The following LINGO1 variants were observed in gnomAD, a reference collection of about 807,000 sequenced individuals.
The protein encoded by LINGO1 is leucine rich repeat and Ig domain containing 1.
A neutral mutation model predicts 37.3 loss-of-function variants in LINGO1; 11 were observed. The observed-to-expected ratio is 0.29, with a 90% CI of 0.19 to 0.49. The LOEUF (loss-of-function observed/expected upper bound fraction) is 0.49, where lower values mean the gene tolerates loss of function less well. LINGO1 is among the 20% of genes least tolerant of loss of function. The probability of loss-of-function intolerance (pLI) is 0.99; values close to 1 mark genes in which losing one functional copy is unlikely to be tolerated. For missense variants in LINGO1, 585 were observed against 878.2 expected (o/e 0.67, Z 4.22); for synonymous variants, 387 against 403.0 (o/e 0.96, Z 0.48).
chr15:77,617,387 C>T (rs927431906), intron 1 of LINGO1, among the ~76,000 whole-genome samples: 7 of 152,166 alleles, frequency 4.6e-5, no homozygotes, highest in African/African-American at 1.7e-4. Context: ...GATCAGATGG[C>T]CTCTGGGAGC....
intron 2 of LINGO1, among the ~76,000 whole-genome samples, chr15:77,685,865 G>A (rs1274187626): frequency 1.3e-5 from 2 of 152,050 alleles, no homozygotes; most frequent in Non-Finnish European, 1.5e-5. Context: ...AAATAAATAA[G>A]TAAAAGTGTA....
intron 2 of LINGO1, among the ~76,000 whole-genome samples, chr15:77,721,617 G>A (rs911976807): frequency 6.6e-6 from 1 of 152,132 alleles, no homozygotes; most frequent in African/African-American, 2.4e-5. Flanking sequence ...GTTTACTATT[G>A]TATCCCCAGT....
intron 3 of LINGO1, among the ~76,000 whole-genome samples, chr15:77,639,415 G>T (rs2074455558): frequency 6.6e-6 from 1 of 151,976 alleles, no homozygotes; most frequent in African/African-American, 2.4e-5. Context: ...GCTCTCAAGG[G>T]GGGCAAGGAA....
At chr15:77,620,022 C>G (rs2073869838) in intron 1 of LINGO1, among the ~76,000 whole-genome samples, 1 of 152,202 alleles carries the variant, frequency 6.6e-6, no homozygotes. Context: ...CTCCCACCCC[C>G]ATGGGGTCCC....
chr15:77,652,584 G>T (rs191383894), intron 3 of LINGO1, among the ~76,000 whole-genome samples: 1 of 150,618 alleles, frequency 6.6e-6, no homozygotes, highest in East Asian at 2.0e-4. Context: ...TCCAGGTGAC[G>T]TCTGTCACTC....
rs112112009 is a variant in LINGO1, at chr15:77,777,465, G to GCACACA, written c.-257+9398_-257+9403dup. On this transcript the variant is annotated intron_variant, in intron 1 of 3. Transcript: ENST00000561686. ...ACAGATTTTGGACATATACACACAC[G>GCACACA]CACACACACACACACACACACACAC... 9.2e-3 allele frequency among the ~76,000 whole-genome samples: 1,293 copies of GCACACA among 140,058 alleles called. 18 individuals carry two copies. The highest frequency in any genetic ancestry group is 0.019 in the East Asian group (92 of 4,812). The allele number at this position is 140,058 out of a possible 152,430, so 91.9% of individuals were successfully genotyped here. A position where few individuals can be genotyped will look rare whatever the true frequency, so the allele number is the denominator to read the frequency against.
chr15:77,634,469 A>C (rs1765393378), upstream of LINGO1: 1 of 380,208 alleles, frequency 2.6e-6, no homozygotes, highest in Non-Finnish European at 5.3e-6. Context: ...ACCCTCCAGC[A>C]ACTCTGGGGG....
intron 2 of LINGO1, among the ~76,000 whole-genome samples, chr15:77,722,037 C>G (rs928397715): frequency 6.6e-6 from 1 of 152,330 alleles, no homozygotes; most frequent in South Asian, 2.1e-4. Context: ...CTTGATGCTC[C>G]CACCCCTCTC....
intron 1 of LINGO1, among the ~76,000 whole-genome samples, chr15:77,616,628 C>T (rs1379673533): frequency 1.3e-5 from 2 of 152,210 alleles, no homozygotes; most frequent in African/African-American, 4.8e-5. Flanking sequence ...CCTCCTCCCC[C>T]TGCACCTGCA....
At chr15:77,764,754 T>TG (rs1202643812) in intron 1 of LINGO1, among the ~76,000 whole-genome samples, 1 of 152,216 alleles carries the variant, frequency 6.6e-6, no homozygotes, top group Non-Finnish European at 1.5e-5. Context: ...GGGAACGATT[T>TG]GACCTTATCT....
rs2075629989 is a variant in LINGO1, at chr15:77,692,965, T to C, written c.-280-2064A>G. 1.3e-5 allele frequency among the ~76,000 whole-genome samples: 2 copies of C among 152,194 alleles called. 1 individual carries two copies. On this transcript the variant is annotated intron_variant, in intron 1 of 3. Coordinates refer to the LINGO1 transcript ENST00000559893. ...ACGCCTGTGTGTGTGCTTATGAGTG[T>C]GCATGAACATGGCCCACAGGGACAC...
intron 1 of LINGO1, among the ~76,000 whole-genome samples, chr15:77,813,227 T>C (rs1244959735): frequency 1.3e-5 from 2 of 152,048 alleles, no homozygotes; most frequent in Non-Finnish European, 2.9e-5. Context: ...GGGTGGCCAA[T>C]AGAAGGTTTT....
chr15:77,726,833 G>A (rs1475499936), intron 2 of LINGO1, among the ~76,000 whole-genome samples: 1 of 152,200 alleles, frequency 6.6e-6, no homozygotes, highest in Non-Finnish European at 1.5e-5. Context: ...AGGAAATGTT[G>A]GCAACCCATG....
chr15:77,810,227 TACACACAC>T lies in LINGO1; in HGVS notation c.-458+10023_-458+10030del, dbSNP rs59680666. Among the ~76,000 whole-genome samples, 6 of 143,198 alleles carry T rather than the reference TACACACAC, an allele frequency of 4.2e-5. No individual in the cohort carries two copies. In the East Asian group the frequency reaches 6.3e-4, roughly 15 times the overall value. 93.9% of individuals were successfully genotyped at this position (143,198 alleles called of 152,430 possible). The stretch of plus-strand genomic sequence containing the variant: ...AAGTAACTAGGCACACACACAAACA[TACACACAC>T]ACACACACACACACGCATACACATG... On this transcript the variant is annotated intron_variant, in intron 1 of 5. Transcript: ENST00000562933.
At chr15:77,713,628 C>T (rs182887875) in intron 2 of LINGO1, among the ~76,000 whole-genome samples, 54 of 152,070 alleles carry the variant, frequency 3.6e-4, no homozygotes, top group African/African-American at 1.2e-3. Flanking sequence ...CATACACACA[C>T]GCGCACACAC....
At chr15:77,789,663 T>C (rs1038987719), upstream of LINGO1, among the ~76,000 whole-genome samples, 1 of 152,176 alleles carries the variant, frequency 6.6e-6, no homozygotes, top group African/African-American at 2.4e-5. Flanking sequence ...AATTTGGCAA[T>C]GTGGCCATGT....
At chr15:77,791,835 G>A (rs940927887), upstream of LINGO1, among the ~76,000 whole-genome samples, 7 of 152,088 alleles carry the variant, frequency 4.6e-5, no homozygotes, top group African/African-American at 1.7e-4. Flanking sequence ...CACTTGGGAG[G>A]AGCAGCTGGG....
chr15:77,664,528 G>A (rs998384745), intron 3 of LINGO1, among the ~76,000 whole-genome samples: 2 of 152,146 alleles, frequency 1.3e-5, no homozygotes, highest in African/African-American at 2.4e-5. Flanking sequence ...GTGAGCTCCC[G>A]GTCAGGAGAG....
chr15:77,772,674 C>A (rs2076597661), intron 1 of LINGO1, among the ~76,000 whole-genome samples: 1 of 147,800 alleles, frequency 6.8e-6, no homozygotes, highest in African/African-American at 2.4e-5. Context: ...TTCTCAGCTG[C>A]AGAAAAAGGT....
Sources: allele counts gnomAD v4.1 joint callset (sites outside exome capture counted in the v4.1 genomes callset), GRCh38; gene constraint gnomAD v4.1.1; transcripts MANE v1.5; gene names NCBI Gene and HGNC (gene_info 2026-07-23, HGNC 2026-07-21).